The following DOK5 variants were observed in gnomAD, a reference collection of about 807,000 sequenced individuals.
DOK5 encodes the protein downstream of tyrosine kinase 5.
DOK5 carries 27 observed loss-of-function variants against 43.3 expected under a neutral mutation model. That is an observed-to-expected ratio of 0.62 (90% CI 0.46 to 0.86). The LOEUF is 0.86. Among genes scored for constraint, DOK5 ranks in the 40% least tolerant of loss-of-function variants. The pLI, the probability that DOK5 is intolerant of heterozygous loss-of-function variation, is 0.00. For missense variants in DOK5, 373 were observed against 392.9 expected (o/e 0.95, Z 0.43); for synonymous variants, 146 against 140.1 (o/e 1.04, Z -0.30).
chr20:54,631,008 A>G (rs1207808158), intron 6 of DOK5, among the ~76,000 whole-genome samples: 1 of 152,208 alleles, frequency 6.6e-6, no homozygotes, highest in Non-Finnish European at 1.5e-5. Context: ...TAAATTAAAC[A>G]GTGGTTAGGG....
At chr20:54,602,403 C>G (rs917749520) in intron 5 of DOK5, among the ~76,000 whole-genome samples, 7 of 152,142 alleles carry the variant, frequency 4.6e-5, no homozygotes, top group African/African-American at 1.7e-4. Context: ...GAGCAGGGCT[C>G]TAGGAACTAG....
chr20:54,533,437 C>A (rs1016705496), intron 1 of DOK5, among the ~76,000 whole-genome samples: 4 of 152,056 alleles, frequency 2.6e-5, no homozygotes. Flanking sequence ...CACAGCATTT[C>A]AATAATTTGA....
At chr20:54,479,366 G>A (rs921849015) in intron 1 of DOK5, among the ~76,000 whole-genome samples, 7 of 152,146 alleles carry the variant, frequency 4.6e-5, no homozygotes, top group East Asian at 1.9e-4. Flanking sequence ...GAATGTCGAC[G>A]TTACTATTTG....
At chr20:54,573,679 T>G (rs73140147) in intron 2 of DOK5, among the ~76,000 whole-genome samples, 8,815 of 105,510 alleles carry the variant, frequency 0.084, 322 homozygotes, top group Middle Eastern at 0.17. Context: ...AGAGGGAGAC[T>G]CCATCTCAAA....
intron 6 of DOK5, among the ~76,000 whole-genome samples, chr20:54,641,988 C>T (rs1279354592): frequency 2.0e-5 from 3 of 152,116 alleles, no homozygotes; most frequent in Admixed American, 1.3e-4. Context: ...GGAAATTCAA[C>T]TTTGCAAATA....
At chr20:54,480,253 G>A (rs529760895) in intron 1 of DOK5, among the ~76,000 whole-genome samples, 1 of 152,224 alleles carries the variant, frequency 6.6e-6, no homozygotes, top group Non-Finnish European at 1.5e-5. Flanking sequence ...GGCATTCTAA[G>A]TCACAGGATG....
intron 1 of DOK5, among the ~76,000 whole-genome samples, chr20:54,553,820 C>A (rs1484721916): frequency 6.7e-6 from 1 of 149,158 alleles, no homozygotes; most frequent in African/African-American, 2.5e-5. Flanking sequence ...TCGCTTGAAC[C>A]CAGGAGGCGG....
intron 1 of DOK5, among the ~76,000 whole-genome samples, chr20:54,550,312 C>A (rs187301596): frequency 6.6e-6 from 1 of 152,112 alleles, no homozygotes; most frequent in African/African-American, 2.4e-5. Context: ...CATTCTATTT[C>A]AAGATAATTG....
chr20:54,485,507 T>TG lies in DOK5; in HGVS notation c.66+9497dup, dbSNP rs536782490. Among the ~76,000 whole-genome samples, 19 of 152,338 alleles carry TG rather than the reference T, an allele frequency of 1.2e-4. No homozygotes were observed. The South Asian group carries it at 3.7e-3, about 30-fold the overall frequency. On this transcript the variant is annotated intron_variant, in intron 1 of 7. Transcript: ENST00000262593. ...TTTTTTCTTGCTGAGTAGTGTACCA[T>TG]GGTGTGTATGTACAATAGGTACCGT...
intron 1 of DOK5, among the ~76,000 whole-genome samples, chr20:54,499,487 T>C (rs1192634333): frequency 1.3e-5 from 2 of 152,176 alleles, no homozygotes; most frequent in Non-Finnish European, 2.9e-5. Context: ...TGAGGAAGTG[T>C]GGGTGAATCA....
At chr20:54,535,891 G>T (rs1983945499) in intron 1 of DOK5, among the ~76,000 whole-genome samples, 1 of 152,038 alleles carries the variant, frequency 6.6e-6, no homozygotes, top group Non-Finnish European at 1.5e-5. Context: ...ATATGTTAAG[G>T]CATGTTTGGA....
In DOK5 at chr20:54,558,931, A is replaced by C. The variant is rs1984807412; in HGVS notation, c.174+3891A>C. Among the ~76,000 whole-genome samples the C allele has an allele frequency of 2.0e-5, 3 of 152,216 alleles. No individual in the cohort carries two copies. The South Asian group carries it at 6.2e-4, about 32-fold the overall frequency. ...ATGTAGCTCGAAGTACACTCCTGCA[A>C]AAATTGGAAAATAAACATATGAATA... On this transcript the variant is annotated intron_variant, in intron 2 of 7. Coordinates refer to ENST00000262593, the MANE Select transcript of DOK5 (RefSeq NM_018431.5).
At chr20:54,492,686 T>TTGTGTGTGTGTGTGTGTG (rs34741362) in intron 1 of DOK5, among the ~76,000 whole-genome samples, 10 of 141,094 alleles carry the variant, frequency 7.1e-5, no homozygotes, top group African/African-American at 2.6e-4. Context: ...GAGTGTGGCT[T>TTGTGTGTGTGTGTGTGTG]TGTGTGTGTG....
intron 5 of DOK5, 36 bp downstream of exon 5, chr20:54,591,841 TTG>T (rs746112835): frequency 1.3e-3 from 2,093 of 1,561,672 alleles, no homozygotes; most frequent in South Asian, 2.6e-3. Flanking sequence ...ATTTTTCTGT[TTG>T]TGTGTGTGTG....
intron 1 of DOK5, among the ~76,000 whole-genome samples, chr20:54,543,389 T>C (rs1352337558): frequency 6.6e-6 from 1 of 152,180 alleles, no homozygotes; most frequent in East Asian, 1.9e-4. Context: ...TGCATCTTTA[T>C]AGACTAGAAT....
At chr20:54,638,284 AAGG>A (rs1408301221) in intron 6 of DOK5, among the ~76,000 whole-genome samples, 1 of 152,164 alleles carries the variant, frequency 6.6e-6, no homozygotes, top group Non-Finnish European at 1.5e-5. Context: ...AGAGTATCTA[AAGG>A]AGGTGATTCC....
chr20:54,626,319 C>G (rs1987130092), intron 6 of DOK5, among the ~76,000 whole-genome samples: 1 of 152,162 alleles, frequency 6.6e-6, no homozygotes, highest in Non-Finnish European at 1.5e-5. Flanking sequence ...TAGGAGGCTT[C>G]TTCTAATTGA....
At chr20:54,636,943 A>G (rs1213785388) in intron 6 of DOK5, among the ~76,000 whole-genome samples, 3 of 152,238 alleles carry the variant, frequency 2.0e-5, no homozygotes, top group Admixed American at 1.3e-4. Flanking sequence ...AGCATGGAAT[A>G]ACATAATCCC....
intron 1 of DOK5, among the ~76,000 whole-genome samples, chr20:54,514,221 A>T (rs540778488): frequency 1.1e-3 from 163 of 152,286 alleles, no homozygotes; most frequent in Non-Finnish European, 1.7e-3. Flanking sequence ...GGTTTGACAG[A>T]TGCCAACTTG....
Sources: allele counts gnomAD v4.1 joint callset (sites outside exome capture counted in the v4.1 genomes callset), GRCh38; gene constraint gnomAD v4.1.1; transcripts MANE v1.5; gene names NCBI Gene and HGNC (gene_info 2026-07-23, HGNC 2026-07-21).